The following PCDHGA7 variants were observed in gnomAD, a reference collection of about 807,000 sequenced individuals.
PCDHGA7 encodes protocadherin gamma subfamily A, 7.
PCDHGA7 carries 44 observed loss-of-function variants against 58.3 expected under a neutral mutation model. The ratio of observed to expected loss-of-function variants is 0.75; its 90% CI spans 0.59 to 0.97. The LOEUF (loss-of-function observed/expected upper bound fraction) is 0.97, where lower values mean the gene tolerates loss of function less well. Ranked by LOEUF, PCDHGA7 falls within the 50% of genes least tolerant of loss-of-function variation. The pLI is 0.00. For missense variants in PCDHGA7, 1,266 were observed against 1,188.7 expected, an observed-to-expected ratio of 1.06 and a Z score of -0.96; for synonymous variants, 516 against 504.2, an observed-to-expected ratio of 1.02 and a Z score of -0.31.
Position 141,432,123 on chromosome 5 carries a change from C to G in PCDHGA7, c.2424+46800C>G, listed in dbSNP as rs1224794803. On this transcript the variant is annotated intron_variant, in intron 1 of 3. Transcript: ENST00000518325. This position sits in a 1 kb window ranked among gnomAD's most constrained non-coding sequence, Gnocchi z 6.0. ...GACAACCCGCCGGTCTTCCCTCAGG[C>G]CTCCTATTCCGCTTATATCCCAGAG... 1 of 1,614,172 alleles carries G rather than the reference C, an allele frequency of 6.2e-7. No homozygotes were observed. Among genetic ancestry groups the G allele is most frequent in the Admixed American group, 1.7e-5 (1 of 60,022 alleles).
At chr5:141,419,505 G>C in intron 1 of PCDHGA7, 1 of 1,612,324 alleles carries the variant, frequency 6.2e-7, no homozygotes, top group Non-Finnish European at 8.5e-7. Flanking sequence ...GTGAGCCTGC[G>C]CGTGTTGGTG....
intron 1 of PCDHGA7, among the ~76,000 whole-genome samples, chr5:141,459,109 C>A (rs1213203625): frequency 6.6e-6 from 1 of 152,174 alleles, no homozygotes; most frequent in Non-Finnish European, 1.5e-5. Context: ...TGCATTTTGA[C>A]AATTGTTTAC....
At chr5:141,397,591 A>G (rs1202251855) in intron 1 of PCDHGA7, among the ~76,000 whole-genome samples, 1 of 152,204 alleles carries the variant, frequency 6.6e-6, no homozygotes, top group Non-Finnish European at 1.5e-5. Flanking sequence ...ATTAATTATT[A>G]TATTGCCAGT....
intron 1 of PCDHGA7, among the ~76,000 whole-genome samples, chr5:141,472,042 T>C (rs2099270232): frequency 2.0e-5 from 3 of 152,146 alleles, no homozygotes; most frequent in African/African-American, 7.2e-5. Context: ...TGTGAAAAGA[T>C]TTTAAAAATG....
chr5:141,390,231 T>C, intron 1 of PCDHGA7: 1 of 1,614,086 alleles, frequency 6.2e-7, no homozygotes, highest in South Asian at 1.1e-5. Flanking sequence ...CGGTGATTCA[T>C]CTGGGGCCTT....
At chr5:141,389,093 G>A in intron 1 of PCDHGA7, 1 of 1,614,018 alleles carries the variant, frequency 6.2e-7, no homozygotes, top group Non-Finnish European at 8.5e-7. Flanking sequence ...ATAAATTAGT[G>A]ACAGATGCTG....
intron 1 of PCDHGA7, among the ~76,000 whole-genome samples, chr5:141,465,486 G>C (rs1221398075): frequency 6.6e-6 from 1 of 152,216 alleles, no homozygotes; most frequent in African/African-American, 2.4e-5. Flanking sequence ...TGAGAGGAAT[G>C]AGCGGGAGCA....
chr5:141,419,694 G>T, intron 1 of PCDHGA7: 2 of 1,612,974 alleles, frequency 1.2e-6, no homozygotes, highest in South Asian at 1.1e-5. Context: ...GTGCAGGCCA[G>T]TGAGCCCGGG....
rs375080564 is a variant in PCDHGA7 at position 141,486,676 on chromosome 5, T to C, written c.2425-8131T>C. On this transcript the variant is annotated intron_variant, in intron 1 of 3. Transcript: ENST00000518325. The surrounding 1 kb of genome is among the most constrained non-coding windows in gnomAD (Gnocchi z 5.0). ...CACTCCTGGAGCCCAGGAATCGAGA[T>C]GTATCAGCTTCCTCTTTCATCTCTC... The C allele has an allele frequency of 6.2e-7, 1 of 1,614,120 alleles. No homozygotes were observed. The highest frequency in any genetic ancestry group is 1.7e-5 in the Admixed American group (1 of 60,032).
At chr5:141,404,647 T>C (rs764645495) in intron 1 of PCDHGA7, 20 of 1,614,190 alleles carry the variant, frequency 1.2e-5, no homozygotes, top group Admixed American at 1.7e-5. Context: ...TCCTGTACCC[T>C]GCCCTCCCCA....
chr5:141,433,313 C>T (rs2097582516), intron 1 of PCDHGA7: 5 of 866,388 alleles, frequency 5.8e-6, no homozygotes, highest in Admixed American at 2.8e-5. Context: ...CCCACCTTTG[C>T]CTCCGGTGTA....
chr5:141,415,029 G>A (rs777967290), intron 1 of PCDHGA7: 4 of 1,613,436 alleles, frequency 2.5e-6, no homozygotes, highest in Non-Finnish European at 3.4e-6. Flanking sequence ...CCAGCGAGCC[G>A]GGACTCTTCG....
intron 1 of PCDHGA7, chr5:141,399,810 C>A (rs148150333): frequency 2.5e-6 from 4 of 1,613,076 alleles, no homozygotes; most frequent in Middle Eastern, 1.7e-4. Flanking sequence ...TGCTGTACCC[C>A]GCGCTGGGTC....
At chr5:141,426,451 C>A in intron 1 of PCDHGA7, 1 of 308,946 alleles carries the variant, frequency 3.2e-6, no homozygotes, top group South Asian at 3.0e-5. Flanking sequence ...GGACATGCGG[C>A]TGCATGTTCA....
intron 2 of PCDHGA7, among the ~76,000 whole-genome samples, chr5:141,501,223 T>G (rs1247662371): frequency 6.6e-6 from 1 of 151,280 alleles, no homozygotes; most frequent in African/African-American, 2.4e-5. Flanking sequence ...CTTCCTAGAT[T>G]TCTCAGTTTT....
intron 1 of PCDHGA7, chr5:141,400,135 G>A (rs773410293): frequency 6.2e-7 from 1 of 1,614,074 alleles, no homozygotes; most frequent in Non-Finnish European, 8.5e-7. Flanking sequence ...GGTGCTGCCG[G>A]ATATCACTGA....
chr5:141,432,800 C>T lies in PCDHGA7; in HGVS notation c.2424+47477C>T. The T allele has an allele frequency of 6.2e-7, 1 of 1,614,156 alleles. No individual in the cohort carries two copies. The highest frequency in any genetic ancestry group is 8.5e-7 in the Non-Finnish European group (1 of 1,180,008). ...GGCGGACCTCGGCAGCCTCGAGTCT[C>T]CAGCTAACTCTGAAACCTCAGACCT... On this transcript the variant is annotated intron_variant, in intron 1 of 3. Transcript: ENST00000518325. This position sits in a 1 kb window ranked among gnomAD's most constrained non-coding sequence, Gnocchi z 6.0.
chr5:141,508,171 A>G (rs1364776681), intron 3 of PCDHGA7: 2 of 152,406 alleles, frequency 1.3e-5, no homozygotes, highest in African/African-American at 4.8e-5. Context: ...AGGCTGGCAC[A>G]GGAGAGAAGG....
rs13178808 is a variant in PCDHGA7 at position 141,491,920 on chromosome 5, G to A, written c.2425-2887G>A. 1.2e-4 allele frequency: 164 copies of A among 1,356,270 alleles called. No individual in the cohort carries two copies. Among genetic ancestry groups the A allele is most frequent in the Non-Finnish European group, 1.5e-4 (155 of 1,015,194 alleles). The allele number at this position is 1,356,270 out of a possible 1,614,324, so 84.0% of individuals were successfully genotyped here. On this transcript the variant is annotated intron_variant, in intron 1 of 3. Transcript: ENST00000518325. This position sits in a 1 kb window ranked among gnomAD's most constrained non-coding sequence, Gnocchi z 6.9. ...ACCGGGGGTGGTGGCGACTGTGGGC[G>A]AGGGGAGGTGGGACCGACCCCCACC...
Sources: allele counts gnomAD v4.1 joint callset (sites outside exome capture counted in the v4.1 genomes callset), GRCh38; gene constraint gnomAD v4.1.1; non-coding constraint Gnocchi (gnomAD v3.1); transcripts MANE v1.5; gene names NCBI Gene and HGNC (gene_info 2026-07-23, HGNC 2026-07-21).